The following ANO4 variants were observed in gnomAD, a reference collection of about 807,000 sequenced individuals.
The protein encoded by ANO4 is anoctamin-4.
ANO4 carries 69 observed loss-of-function variants against 141.9 expected under a neutral mutation model. The ratio of observed to expected loss-of-function variants is 0.49; its 90% CI spans 0.40 to 0.59. ANO4 has a LOEUF of 0.59. Ranked by LOEUF, ANO4 falls within the 20% of genes least tolerant of loss-of-function variation. The probability of loss-of-function intolerance (pLI) is 0.00; values close to 1 mark genes in which losing one functional copy is unlikely to be tolerated. For synonymous variants in ANO4, 350 were observed against 394.3 expected (o/e 0.89, Z 1.33); for missense variants, 894 against 1,162.2 (o/e 0.77, Z 3.36).
At chr12:100,987,182 C>A in intron 7 of ANO4, 1 of 180,046 alleles carries the variant, frequency 5.6e-6, no homozygotes, top group Non-Finnish European at 1.2e-5. Flanking sequence ...TTTTTAGAAC[C>A]TACAGAATGT....
At chr12:101,103,227 A>ATATC (rs2050279487) in intron 22 of ANO4, among the ~76,000 whole-genome samples, 8 of 108,850 alleles carry the variant, frequency 7.3e-5, no homozygotes, top group African/African-American at 3.2e-4. Context: ...ATATATATAT[A>ATATC]TATCTTTTTG....
chr12:101,071,617 C>T lies in ANO4; in HGVS notation c.1313-7576C>T, dbSNP rs192539918. 1.0e-3 allele frequency among the ~76,000 whole-genome samples: 152 copies of T among 152,052 alleles called. 1 individual carries two copies. The highest frequency in any genetic ancestry group is 1.7e-3 in the Non-Finnish European group (114 of 67,960). On this transcript the variant is annotated intron_variant, in intron 14 of 27. Transcript: ENST00000392977. ...ACAAAAAGAAATAGAATGAATAAGA[C>T]GTAGTACTTGACAGCACAACATGGG...
chr12:101,051,814 T>A (rs1480486195), intron 14 of ANO4, among the ~76,000 whole-genome samples: 2 of 152,218 alleles, frequency 1.3e-5, no homozygotes, highest in Non-Finnish European at 2.9e-5. Context: ...TTGTTACCAT[T>A]TCCTTCTGTT....
intron 7 of ANO4, among the ~76,000 whole-genome samples, chr12:100,984,175 C>A (rs1213853077): frequency 6.6e-6 from 1 of 152,170 alleles, no homozygotes; most frequent in East Asian, 1.9e-4. Context: ...CGGCTCACTG[C>A]AACCTCTACC....
chr12:100,921,629 C>G (rs1295758301), intron 2 of ANO4, among the ~76,000 whole-genome samples: 1 of 152,074 alleles, frequency 6.6e-6, no homozygotes, highest in Non-Finnish European at 1.5e-5. Context: ...TAAAAACTTT[C>G]TTTCTTTAGA....
At chr12:101,028,147 A>G (rs2046818637) in intron 9 of ANO4, among the ~76,000 whole-genome samples, 1 of 152,242 alleles carries the variant, frequency 6.6e-6, no homozygotes. Flanking sequence ...CAATAACAAA[A>G]GAAGTCCTCA....
chr12:100,950,228 G>GA (rs904060563), intron 5 of ANO4, among the ~76,000 whole-genome samples: 28 of 150,246 alleles, frequency 1.9e-4, no homozygotes, highest in African/African-American at 5.9e-4. Context: ...GGTCAGAAAA[G>GA]AAAAAAAAAG....
intron 4 of ANO4, 73 bp from the exon 5 acceptor site, chr12:100,942,304 G>A: frequency 6.6e-7 from 1 of 1,524,872 alleles, no homozygotes; most frequent in Non-Finnish European, 8.9e-7. Context: ...AGTTTTAATT[G>A]TTCTTTAACA....
intron 5 of ANO4, among the ~76,000 whole-genome samples, chr12:100,970,674 C>G (rs1386033431): frequency 1.2e-4 from 7 of 59,712 alleles, no homozygotes; most frequent in African/African-American, 8.6e-4. Context: ...TCCTTCCTTC[C>G]TTCCTTCCTT....
intron 7 of ANO4, among the ~76,000 whole-genome samples, chr12:100,975,692 C>A (rs1355285201): frequency 1.3e-5 from 2 of 151,940 alleles, no homozygotes; most frequent in African/African-American, 4.8e-5. Context: ...CCGCCCACCT[C>A]GGCCTCCCAA....
intron 2 of ANO4, among the ~76,000 whole-genome samples, chr12:100,912,922 A>T (rs2041178593): frequency 6.6e-6 from 1 of 152,182 alleles, no homozygotes. Context: ...CACTGTAATT[A>T]TCCTTCATTT....
At chr12:100,891,840 T>G (rs1001233053) in intron 1 of ANO4, among the ~76,000 whole-genome samples, 1 of 152,196 alleles carries the variant, frequency 6.6e-6, no homozygotes, top group Admixed American at 6.5e-5. Context: ...CTATTTTGTA[T>G]AATAGATCCC....
chr12:101,052,985 C>T (rs1203591837), intron 14 of ANO4, among the ~76,000 whole-genome samples: 1 of 152,220 alleles, frequency 6.6e-6, no homozygotes, highest in African/African-American at 2.4e-5. Context: ...ACTCCAGAGT[C>T]ATTCCAAAGT....
At chr12:100,815,040 G>T (rs775733634) in intron 1 of ANO4, among the ~76,000 whole-genome samples, 4 of 152,212 alleles carry the variant, frequency 2.6e-5, no homozygotes, top group Middle Eastern at 6.8e-3. Context: ...CAAGAGGGAT[G>T]CCTGGAGGGA....
chr12:100,806,927 ATATTGTT>A (rs1437458561), intron 1 of ANO4, among the ~76,000 whole-genome samples: 1 of 151,688 alleles, frequency 6.6e-6, no homozygotes, highest in East Asian at 1.9e-4. Context: ...TTTGTCTTTG[ATATTGTT>A]TATGGTATTT....
At chr12:100,761,623 C>T (rs986659971) in intron 3 of ANO4, among the ~76,000 whole-genome samples, 1 of 152,126 alleles carries the variant, frequency 6.6e-6, no homozygotes, top group Non-Finnish European at 1.5e-5. Flanking sequence ...TTAGCATGTG[C>T]AAAAATCCCA....
At chr12:100,772,923 T>C (rs183058226) in intron 3 of ANO4, among the ~76,000 whole-genome samples, 2 of 152,362 alleles carry the variant, frequency 1.3e-5, no homozygotes, top group East Asian at 1.9e-4. Flanking sequence ...CTTTGAAGTC[T>C]CCTGTTTCCT....
intron 7 of ANO4, among the ~76,000 whole-genome samples, chr12:100,984,092 G>A (rs529883497): frequency 8.5e-5 from 13 of 152,094 alleles, no homozygotes; most frequent in African/African-American, 2.4e-4. Context: ...CCAGTGTCTC[G>A]GGGATTTTAT....
At chr12:100,974,180 A>G (rs1383233647) in intron 6 of ANO4, among the ~76,000 whole-genome samples, 1 of 152,152 alleles carries the variant, frequency 6.6e-6, no homozygotes, top group Non-Finnish European at 1.5e-5. Flanking sequence ...ATATATAGCA[A>G]TCTGACAGAA....
Sources: allele counts gnomAD v4.1 joint callset (sites outside exome capture counted in the v4.1 genomes callset), GRCh38; gene constraint gnomAD v4.1.1; transcripts MANE v1.5; gene names NCBI Gene and HGNC (gene_info 2026-07-23, HGNC 2026-07-21).